The following SMAD9 variants were observed in gnomAD, a reference collection of about 807,000 sequenced individuals.
The protein encoded by SMAD9 is MAD homolog 9.
SMAD9 carries 36 observed loss-of-function variants against 46.1 expected under a neutral mutation model. The ratio of observed to expected loss-of-function variants is 0.78; its 90% CI spans 0.60 to 1.03. The LOEUF (loss-of-function observed/expected upper bound fraction) is 1.03, where lower values mean the gene tolerates loss of function less well. Among genes scored for constraint, SMAD9 ranks in the 50% least tolerant of loss-of-function variants. The probability of loss-of-function intolerance (pLI) is 0.00; values close to 1 mark genes in which losing one functional copy is unlikely to be tolerated. For synonymous variants in SMAD9, 245 were observed against 237.1 expected, an observed-to-expected ratio of 1.03 and a Z score of -0.31; for missense variants, 572 against 599.8, an observed-to-expected ratio of 0.95 and a Z score of 0.48.
At chr13:36,878,740 G>T (rs905561049) in intron 2 of SMAD9, among the ~76,000 whole-genome samples, 4 of 151,970 alleles carry the variant, frequency 2.6e-5, no homozygotes, top group Non-Finnish European at 5.9e-5. Context: ...TGTTTGGGGC[G>T]GGGGGAGGAG....
intron 1 of SMAD9, among the ~76,000 whole-genome samples, chr13:36,880,343 G>A (rs963020871): frequency 2.0e-5 from 3 of 152,076 alleles, no homozygotes; most frequent in Non-Finnish European, 4.4e-5. Context: ...TGGCTCCTTG[G>A]TCTCCCAAGT....
chr13:36,865,133 A>G (rs912857392), intron 5 of SMAD9, among the ~76,000 whole-genome samples: 7 of 152,236 alleles, frequency 4.6e-5, no homozygotes, highest in African/African-American at 1.7e-4. Flanking sequence ...AAGTCTCCAA[A>G]GGGAACTTCA....
chr13:36,848,858 T>A, intron 6 of SMAD9, 39 bp from the exon 7 acceptor site: 1 of 1,607,002 alleles, frequency 6.2e-7, no homozygotes. Flanking sequence ...GGTGCCACAC[T>A]TACACTCAGC....
intron 1 of SMAD9, among the ~76,000 whole-genome samples, chr13:36,899,475 G>C (rs2058555954): frequency 6.6e-6 from 1 of 152,122 alleles, no homozygotes; most frequent in Admixed American, 6.5e-5. Context: ...TATTGACTAG[G>C]AATCAATAAA....
Position 36,893,547 on chromosome 13 carries a change from C to T in SMAD9, c.-186-13672G>A, listed in dbSNP as rs145533390. ...TGGAAATAACCCAAATATCCATCGACTAGAGGATGAATAAATGACGAAATA... is the reference window on the plus strand; with the variant it reads ...TGGAAATAACCCAAATATCCATCGATTAGAGGATGAATAAATGACGAAATA... On this transcript the variant is annotated intron_variant, in intron 1 of 6. Transcript: ENST00000379826. Among the ~76,000 whole-genome samples, 1,047 of 150,874 alleles carry T rather than the reference C, an allele frequency of 6.9e-3. 5 individuals are homozygous for T. The highest frequency in any genetic ancestry group is 0.01 in the Non-Finnish European group (706 of 67,708).
intron 5 of SMAD9, among the ~76,000 whole-genome samples, chr13:36,858,198 AT>A (rs1416468940): frequency 6.6e-6 from 1 of 152,066 alleles, no homozygotes; most frequent in Admixed American, 6.5e-5. Context: ...AAAAGTTTTA[AT>A]GGGTGGTAAA....
Position 36,847,821 on chromosome 13 carries a change from G to A in SMAD9, c.*855C>T, listed in dbSNP as rs1304720966. The A allele has an allele frequency of 2.0e-5, 3 of 152,314 alleles. No homozygotes were observed. The highest frequency in any genetic ancestry group is 3.9e-4 in the East Asian group (2 of 5,180). 9.4% of individuals were successfully genotyped at this position (152,314 alleles called of 1,614,324 possible). On this transcript the variant is annotated 3_prime_UTR_variant, in exon 7 of 7. Transcript: ENST00000379826. Reference sequence around the variant, plus strand: ...ACTGAAACACAAGCTATTCTGGCACGCTGCGCAGACTCAAAGTTTGCAGGA... The same window carrying A: ...ACTGAAACACAAGCTATTCTGGCACACTGCGCAGACTCAAAGTTTGCAGGA...
chr13:36,880,967 A>G (rs1166948895), intron 1 of SMAD9, among the ~76,000 whole-genome samples: 1 of 152,188 alleles, frequency 6.6e-6, no homozygotes, highest in East Asian at 1.9e-4. Flanking sequence ...GGAGTTCTCA[A>G]TAATTTTTAA....
chr13:36,871,011 CTGTT>C (rs1231982807), intron 3 of SMAD9, among the ~76,000 whole-genome samples: 3 of 152,156 alleles, frequency 2.0e-5, no homozygotes, highest in Non-Finnish European at 4.4e-5. Context: ...AATTTATGAA[CTGTT>C]TATTTCTGGA....
rs531614503 is a variant in SMAD9, at chr13:36,893,721, C to A, written c.-186-13846G>T. On this transcript the variant is annotated intron_variant, in intron 1 of 6. Coordinates refer to ENST00000379826, the MANE Select transcript of SMAD9 (RefSeq NM_001127217.3). ...CATTTAGTTTAAAAAGAAATAAAAACTAAATATCCTAGAGATACATATGTG... is the reference window on the plus strand; with the variant it reads ...CATTTAGTTTAAAAAGAAATAAAAAATAAATATCCTAGAGATACATATGTG... Among the ~76,000 whole-genome samples, 17 of 151,680 alleles carry A rather than the reference C, an allele frequency of 1.1e-4. No homozygotes were observed. The South Asian group carries it at 3.3e-3, about 30-fold the overall frequency.
chr13:36,913,220 G>T (rs915018428), intron 1 of SMAD9, among the ~76,000 whole-genome samples: 1 of 152,208 alleles, frequency 6.6e-6, no homozygotes, highest in African/African-American at 2.4e-5. Flanking sequence ...GTTTGGGGAA[G>T]TAAGACATCT....
intron 1 of SMAD9, among the ~76,000 whole-genome samples, chr13:36,890,341 C>T (rs1347225199): frequency 1.3e-5 from 2 of 152,160 alleles, no homozygotes; most frequent in Middle Eastern, 3.2e-3. Context: ...AACTGTAAAA[C>T]AAATCAAATT....
chr13:36,856,325 A>C (rs947788087), intron 5 of SMAD9, among the ~76,000 whole-genome samples: 1 of 152,192 alleles, frequency 6.6e-6, no homozygotes, highest in Non-Finnish European at 1.5e-5. Flanking sequence ...TACATAAGAT[A>C]AATACGATTT....
intron 1 of SMAD9, among the ~76,000 whole-genome samples, chr13:36,891,865 C>T (rs1236871721): frequency 6.6e-6 from 1 of 152,184 alleles, no homozygotes; most frequent in East Asian, 1.9e-4. Context: ...ACAGTCCCAC[C>T]ACACAAACAA....
chr13:36,919,954 CAA>C (rs1484370080), intron 1 of SMAD9, among the ~76,000 whole-genome samples, 160 bp downstream of exon 1: 1 of 151,586 alleles, frequency 6.6e-6, no homozygotes, highest in Non-Finnish European at 1.5e-5. Flanking sequence ...GCCCTCCACT[CAA>C]TGCGCTCACA....
In SMAD9 at chr13:36,879,315, G is replaced by A. The variant is rs1330450652; in HGVS notation, c.375C>T (p.Cys125=). The change falls in exon 2 of 7, where the codon TGC becomes TGT. Residue 125 remains cysteine (C), a synonymous_variant. Coordinates refer to ENST00000379826, the MANE Select transcript of SMAD9 (RefSeq NM_001127217.3). ...CCCGGCGGTAGTGGTAAGGGTTAATGCACACTTCTTTCTGCTTGGAGCCAA... is the reference window on the plus strand; with the variant it reads ...CCCGGCGGTAGTGGTAAGGGTTAATACACACTTCTTTCTGCTTGGAGCCAA... ...FPFGSKQKEV[C]INPYHYRRVE... is the part of the protein sequence containing the mutation. The A allele has an allele frequency of 3.7e-6, 6 of 1,613,990 alleles. No homozygotes were observed. Among genetic ancestry groups the A allele is most frequent in the Admixed American group, 1.7e-5 (1 of 60,010 alleles).
chr13:36,920,755 T>C (rs1480585017), upstream of SMAD9: 1 of 152,358 alleles, frequency 6.6e-6, no homozygotes, highest in Non-Finnish European at 1.5e-5. Context: ...CCTCACATGT[T>C]TCTGGGCCCT....
At chr13:36,871,522 T>A (rs796780113) in intron 3 of SMAD9, among the ~76,000 whole-genome samples, 2,158 of 150,726 alleles carry the variant, frequency 0.014, 53 homozygotes, top group African/African-American at 0.05. Context: ...CGTCTCAAAA[T>A]AAAAAATAAA....
rs58756918 is a variant in SMAD9, at chr13:36,900,684, TACACACACACACACAC to T, written c.-187+19416_-187+19431del. Among the ~76,000 whole-genome samples the T allele has an allele frequency of 2.1e-3, 295 of 142,876 alleles. 1 individual carries two copies. Among genetic ancestry groups the T allele is most frequent in the Non-Finnish European group, 2.9e-3 (192 of 65,706 alleles). The allele number at this position is 142,876 out of a possible 152,430, so 93.7% of individuals were successfully genotyped here. ...TTACCACTAAAACTATCATTATGACTACACACACACACACACACACACACACACACACACACACACA... is the reference window on the plus strand; with the variant it reads ...TTACCACTAAAACTATCATTATGACTACACACACACACACACACACACACA... On this transcript the variant is annotated intron_variant, in intron 1 of 6. Transcript: ENST00000379826.
Sources: allele counts gnomAD v4.1 joint callset (sites outside exome capture counted in the v4.1 genomes callset), GRCh38; gene constraint gnomAD v4.1.1; transcripts MANE v1.5; gene names NCBI Gene and HGNC (gene_info 2026-07-23, HGNC 2026-07-21).